The following SLC25A33 variants were observed in gnomAD, a reference collection of about 807,000 sequenced individuals.
SLC25A33 encodes solute carrier family 25 member 33, also known as bone marrow stromal cell mitochondrial carrier protein.
SLC25A33 carries 15 observed loss-of-function variants against 35.5 expected under a neutral mutation model. The ratio of observed to expected loss-of-function variants is 0.42; its 90% CI spans 0.28 to 0.65. The LOEUF is 0.65. Among genes scored for constraint, SLC25A33 ranks in the 30% least tolerant of loss-of-function variants. The pLI, the probability that SLC25A33 is intolerant of heterozygous loss-of-function variation, is 0.20. For missense variants in SLC25A33, 257 were observed against 398.5 expected (o/e 0.64, Z 3.02); for synonymous variants, 136 against 148.7 (o/e 0.91, Z 0.62).
At chr1:9,554,787 A>G (rs1325840648) in intron 2 of SLC25A33, among the ~76,000 whole-genome samples, 1 of 152,232 alleles carries the variant, frequency 6.6e-6, no homozygotes. Context: ...AGAAAAAATA[A>G]TTCATTTGCT....
intron 1 of SLC25A33, among the ~76,000 whole-genome samples, chr1:9,553,203 GTTT>G (rs550067186): frequency 0.14 from 7,776 of 56,130 alleles, 179 homozygotes; most frequent in East Asian, 0.18. Flanking sequence ...TTCTAGTTTT[GTTT>G]TTTTTTTTTT....
At chr1:9,573,682 G>A (rs965949170) in intron 5 of SLC25A33, among the ~76,000 whole-genome samples, 11 of 152,172 alleles carry the variant, frequency 7.2e-5, no homozygotes, top group African/African-American at 2.7e-4. Flanking sequence ...GTCTCAGAGA[G>A]TCAGTGACTG....
At chr1:9,545,649 C>T (rs1643156455) in intron 1 of SLC25A33, among the ~76,000 whole-genome samples, 1 of 151,126 alleles carries the variant, frequency 6.6e-6, no homozygotes, top group South Asian at 2.1e-4. Context: ...GATCCACCCG[C>T]CTGGGACTCC....
chr1:9,555,252 G>C (rs1282007154), intron 2 of SLC25A33, among the ~76,000 whole-genome samples: 1 of 151,570 alleles, frequency 6.6e-6, no homozygotes. Context: ...TGAGTAGCTG[G>C]GACTGCAGGT....
At chr1:9,548,471 A>G (rs147858231) in intron 1 of SLC25A33, among the ~76,000 whole-genome samples, 12 of 152,122 alleles carry the variant, frequency 7.9e-5, no homozygotes, top group African/African-American at 2.9e-4. Context: ...AATCCCAGGA[A>G]CTCATGAGGG....
At chr1:9,568,805 C>A (rs566844706) in intron 3 of SLC25A33, among the ~76,000 whole-genome samples, 1 of 151,242 alleles carries the variant, frequency 6.6e-6, no homozygotes, top group South Asian at 2.1e-4. Context: ...GAGCTGAGAT[C>A]GCTGCACTCC....
At chr1:9,567,488 G>A (rs1385070207) in intron 3 of SLC25A33, 127 bp downstream of exon 3, 1 of 765,722 alleles carries the variant, frequency 1.3e-6, no homozygotes, top group Non-Finnish European at 2.1e-6. Context: ...AAATATAGCG[G>A]ACATAGCAAA....
intron 2 of SLC25A33, among the ~76,000 whole-genome samples, chr1:9,561,925 TTTAAAAGAGCAATACTGCTTGAACCC>T (rs1245558500): frequency 1.3e-5 from 2 of 152,108 alleles, no homozygotes; most frequent in Non-Finnish European, 2.9e-5. Flanking sequence ...AGCTCGATCG[TTTAAAAGAGCAATACTGCTTGAACCC>T]TTAAAAGAGC....
At chr1:9,543,674 T>C (rs899983226) in intron 1 of SLC25A33, among the ~76,000 whole-genome samples, 20 of 152,238 alleles carry the variant, frequency 1.3e-4, no homozygotes, top group African/African-American at 4.8e-4. Flanking sequence ...GTACCTGAAA[T>C]AGCTGGGCTA....
intron 1 of SLC25A33, among the ~76,000 whole-genome samples, chr1:9,552,332 C>T (rs1643277666): frequency 6.6e-6 from 1 of 152,154 alleles, no homozygotes; most frequent in Admixed American, 6.6e-5. Context: ...TCTCCTGCCT[C>T]AGCCTCCCCA....
At chr1:9,552,399 A>ATT (rs879922417) in intron 1 of SLC25A33, among the ~76,000 whole-genome samples, 6 of 143,508 alleles carry the variant, frequency 4.2e-5, no homozygotes, top group Non-Finnish European at 9.2e-5. Context: ...TAATTTTTGT[A>ATT]TTTTTTTTTT....
rs796158699 is a variant in SLC25A33 at position 9,570,707 on chromosome 1, T to G, written c.415+349T>G. 2.7e-4 allele frequency among the ~76,000 whole-genome samples: 38 copies of G among 142,812 alleles called. No individual in the cohort carries two copies. The South Asian group carries it at 3.9e-3, about 15-fold the overall frequency. 93.7% of individuals were successfully genotyped at this position (142,812 alleles called of 152,430 possible). ...TAGATAGATAGATAGATATAGTTTT[T>G]TTTTTTTTTTTTTTTTTTGAGACAG... On this transcript the variant is annotated intron_variant, in intron 4 of 6. Transcript: ENST00000302692.
intron 1 of SLC25A33, among the ~76,000 whole-genome samples, chr1:9,551,934 G>C (rs1359215774): frequency 1.3e-5 from 2 of 152,160 alleles, no homozygotes; most frequent in Non-Finnish European, 2.9e-5. Flanking sequence ...TATGGCCCTT[G>C]ACATTGTTAA....
At chr1:9,550,044 G>A (rs1241335858) in intron 1 of SLC25A33, among the ~76,000 whole-genome samples, 2 of 56,736 alleles carry the variant, frequency 3.5e-5, no homozygotes, top group South Asian at 5.5e-4. Context: ...TTTTTGAGAC[G>A]GGGTCTCACC....
chr1:9,566,356 G>A (rs1405934935), intron 2 of SLC25A33, among the ~76,000 whole-genome samples: 1 of 152,112 alleles, frequency 6.6e-6, no homozygotes, highest in African/African-American at 2.4e-5. Flanking sequence ...TTATATCCCT[G>A]TATAAGATTC....
intron 2 of SLC25A33, among the ~76,000 whole-genome samples, chr1:9,564,765 T>TATATATATATATATACACAC (rs59741987): frequency 1.7e-5 from 2 of 114,826 alleles, no homozygotes; most frequent in East Asian, 3.2e-4. Context: ...TATATATATA[T>TATATATATATATATACACAC]ACACAAAAAT....
At chr1:9,553,211 T>G (rs1450859649) in intron 1 of SLC25A33, among the ~76,000 whole-genome samples, 98 of 134,996 alleles carry the variant, frequency 7.3e-4, no homozygotes, top group Middle Eastern at 3.6e-3. Flanking sequence ...TTGTTTTTTT[T>G]TTTTTTTTTT....
chr1:9,578,223 A>G lies in SLC25A33; in HGVS notation c.483-1731A>G, dbSNP rs111593898. 1.1e-4 allele frequency among the ~76,000 whole-genome samples: 17 copies of G among 152,058 alleles called. No homozygotes were observed. The highest frequency in any genetic ancestry group is 3.6e-4 in the African/African-American group (15 of 41,490). ...GTGAGCCACCGCACCCGGCCTCTGG[A>G]TGGTTTTAAGCACGGGAGTTGCATG... On this transcript the variant is annotated intron_variant, in intron 5 of 6. Coordinates refer to ENST00000302692, the MANE Select transcript of SLC25A33 (RefSeq NM_032315.3). This position sits in a 1 kb window ranked among gnomAD's most constrained non-coding sequence, Gnocchi z 4.3.
At chr1:9,577,960 G>C (rs1046233555) in intron 5 of SLC25A33, among the ~76,000 whole-genome samples, 2 of 152,168 alleles carry the variant, frequency 1.3e-5, no homozygotes, top group Non-Finnish European at 2.9e-5. Flanking sequence ...GTCTTACTCT[G>C]TTGTCCAGGC....
Sources: gnomAD v4.1 joint callset for allele counts (sites outside exome capture counted in the v4.1 genomes callset) on GRCh38, gnomAD v4.1.1 for gene constraint, Gnocchi (gnomAD v3.1) non-coding constraint, MANE v1.5 for transcripts, NCBI Gene and HGNC (gene_info 2026-07-23, HGNC 2026-07-21) for gene names.